The following PPP2R3A variants were observed in gnomAD, a reference collection of about 807,000 sequenced individuals.
The protein encoded by PPP2R3A is serine/threonine-protein phosphatase 2A regulatory subunit B'' subunit alpha.
In PPP2R3A, 80 loss-of-function variants were observed where a neutral mutation model predicts 106.9. That is an observed-to-expected ratio of 0.75 (90% CI 0.62 to 0.90). PPP2R3A has a LOEUF of 0.90. Among genes scored for constraint, PPP2R3A ranks in the 40% least tolerant of loss-of-function variants. The pLI, the probability that PPP2R3A is intolerant of heterozygous loss-of-function variation, is 0.00. For synonymous variants in PPP2R3A, 483 were observed against 468.3 expected, an observed-to-expected ratio of 1.03 and a Z score of -0.41; for missense variants, 1,386 against 1,350.4, an observed-to-expected ratio of 1.03 and a Z score of -0.41.
intron 10 of PPP2R3A, among the ~76,000 whole-genome samples, chr3:136,101,764 G>A (rs759519822): frequency 3.3e-5 from 5 of 151,984 alleles, no homozygotes; most frequent in African/African-American, 4.8e-5. Context: ...AGAAAGGAGC[G>A]ATATAGACGT....
intron 2 of PPP2R3A, among the ~76,000 whole-genome samples, chr3:136,023,617 C>T (rs1934543046): frequency 6.6e-6 from 1 of 152,112 alleles, no homozygotes; most frequent in Non-Finnish European, 1.5e-5. Flanking sequence ...TATTAGCGTG[C>T]ATACACATCT....
rs889647012 is a variant in PPP2R3A, at chr3:136,026,916, G to A, written c.2080G>A (p.Val694Ile). The A allele has an allele frequency of 6.2e-7, 1 of 1,613,280 alleles. No individual in the cohort carries two copies. The highest frequency in any genetic ancestry group is 1.3e-5 in the African/African-American group (1 of 74,944). ...SPSSPRPLSP[V>I]PHVNNVVNAP... ...AAGTAGTCCCCGACCTCTCTCCCCG[G>A]TTCCCCATGTGAATAATGTTGTGAA... Residue 694 changes from valine (V) to isoleucine (I), a missense_variant, in exon 3 of 14, where the codon GTT (valine) becomes ATT (isoleucine). Coordinates refer to ENST00000264977, the MANE Select transcript of PPP2R3A (RefSeq NM_002718.5).
intron 1 of PPP2R3A, among the ~76,000 whole-genome samples, chr3:135,976,070 G>A (rs77135069): frequency 1.3e-5 from 2 of 152,280 alleles, no homozygotes; most frequent in East Asian, 3.9e-4. Context: ...CTGTTGGGTT[G>A]CATAGCAGAG....
chr3:136,002,889 C>T lies in PPP2R3A; in HGVS notation c.1391C>T (p.Pro464Leu). The T allele has an allele frequency of 1.9e-6, 3 of 1,612,986 alleles. No homozygotes were observed. The highest frequency in any genetic ancestry group is 2.5e-6 in the Non-Finnish European group (3 of 1,179,708). Residue 464 changes from proline to leucine, a missense_variant, in exon 2 of 14, where the codon CCA becomes CTA. By Grantham distance (98) the Pro-to-Leu change is moderately conservative (BLOSUM62 -3). Coordinates refer to ENST00000264977, the MANE Select transcript of PPP2R3A (RefSeq NM_002718.5). ...ACTCATCTTAAAAAATGCCCCACCC[C>T]AATGCAAAATGAAATTGGTAAGATA... ...HATHLKKCPT[P>L]MQNEIGKIFE...
chr3:135,988,765 TATTA>T (rs1239216011), intron 1 of PPP2R3A, among the ~76,000 whole-genome samples: 1 of 152,172 alleles, frequency 6.6e-6, no homozygotes, highest in African/African-American at 2.4e-5. Flanking sequence ...TTCCTCATGG[TATTA>T]ATTTATTTCT....
At chr3:135,991,080 T>C (rs1223628560) in intron 1 of PPP2R3A, among the ~76,000 whole-genome samples, 1 of 152,164 alleles carries the variant, frequency 6.6e-6, no homozygotes, top group Non-Finnish European at 1.5e-5. Context: ...ACTACACTAC[T>C]CTATTCCAGG....
At chr3:135,966,505 C>A (rs184803285) in intron 1 of PPP2R3A, among the ~76,000 whole-genome samples, 1 of 152,104 alleles carries the variant, frequency 6.6e-6, no homozygotes, top group East Asian at 1.9e-4. Context: ...CCGACCTGGC[C>A]GCCGCCGCCG....
At chr3:135,988,332 T>G (rs1362937056) in intron 1 of PPP2R3A, among the ~76,000 whole-genome samples, 1 of 151,910 alleles carries the variant, frequency 6.6e-6, no homozygotes, top group African/African-American at 2.4e-5. Flanking sequence ...CACTCATGTA[T>G]CCCATTGGCT....
chr3:136,019,877 C>T (rs1174661260), intron 2 of PPP2R3A, among the ~76,000 whole-genome samples: 3 of 152,162 alleles, frequency 2.0e-5, no homozygotes, highest in East Asian at 3.9e-4. Flanking sequence ...TATTTTCTTG[C>T]TTAAGGGTAT....
rs541100893 is a variant in PPP2R3A at position 136,008,351 on chromosome 3, T to C, written c.1995+4858T>C. Among the ~76,000 whole-genome samples the C allele has an allele frequency of 8.6e-4, 131 of 152,282 alleles. 1 individual carries two copies. The highest frequency in any genetic ancestry group is 3.0e-3 in the African/African-American group (123 of 41,548). ...CACTTAGCAATACAATAGGAAACCA[T>C]TCTCTCCTCCTCTCAATTGCCACCA... On this transcript the variant is annotated intron_variant, in intron 2 of 13. Transcript: ENST00000264977.
chr3:136,130,330 A>C (rs1378444021), intron 13 of PPP2R3A, among the ~76,000 whole-genome samples: 2 of 152,220 alleles, frequency 1.3e-5, no homozygotes, highest in African/African-American at 4.8e-5. Context: ...TCAGGATACA[A>C]AATCAATTGT....
In PPP2R3A at chr3:136,003,052, T is replaced by A; in HGVS notation, c.1554T>A (p.Ser518=). The A allele has an allele frequency of 6.2e-7, 1 of 1,612,322 alleles. No homozygotes were observed. The highest frequency in any genetic ancestry group is 8.5e-7 in the Non-Finnish European group (1 of 1,179,554). ...ATAAATTGTTAATGGATTTGGAATCTTTTTCACAGAAGATGGAGACCTCTC... is the reference window on the plus strand; with the variant it reads ...ATAAATTGTTAATGGATTTGGAATCATTTTCACAGAAGATGGAGACCTCTC... The part of the protein sequence containing the change: ...EIDKLLMDLE[S]FSQKMETSLR... Residue 518 remains serine (S), a synonymous_variant, in exon 2 of 14, where the codon TCT becomes TCA. Coordinates refer to ENST00000264977, the MANE Select transcript of PPP2R3A (RefSeq NM_002718.5).
intron 12 of PPP2R3A, among the ~76,000 whole-genome samples, chr3:136,104,619 C>G (rs1346535551): frequency 6.6e-6 from 1 of 152,044 alleles, no homozygotes; most frequent in Non-Finnish European, 1.5e-5. Flanking sequence ...TTTTATAGTT[C>G]TCTAAGCAAA....
rs1258109184 is a variant in PPP2R3A at position 136,090,670 on chromosome 3, A to G, written c.2927+3A>G. The stretch of plus-strand genomic sequence containing the variant: ...GAAGACAAAAGGAATCCTACCAGGT[A>G]TGATTTCTAAGTTTCCTTTGCCAAG... On this transcript the variant is annotated splice_donor_region_variant and intron_variant, in intron 10 of 13. Coordinates refer to ENST00000264977, the MANE Select transcript of PPP2R3A (RefSeq NM_002718.5). 3.1e-6 allele frequency: 5 copies of G among 1,609,000 alleles called. No individual in the cohort carries two copies. Among genetic ancestry groups the G allele is most frequent in the East Asian group, 2.2e-5 (1 of 44,794 alleles).
At chr3:136,041,234 T>C (rs1935258903) in intron 4 of PPP2R3A, among the ~76,000 whole-genome samples, 1 of 118,624 alleles carries the variant, frequency 8.4e-6, no homozygotes, top group South Asian at 3.2e-4. Context: ...ACTTGGTTTT[T>C]CTTGTTTTTT....
At chr3:136,103,554 G>A (rs1019670160) in intron 12 of PPP2R3A, among the ~76,000 whole-genome samples, 178 bp downstream of exon 12, 3 of 152,032 alleles carry the variant, frequency 2.0e-5, no homozygotes, top group African/African-American at 4.8e-5. Context: ...CTCCACAGCC[G>A]ATCGTCAGGT....
chr3:136,120,192 G>A (rs1445430107), intron 13 of PPP2R3A, among the ~76,000 whole-genome samples: 3 of 151,964 alleles, frequency 2.0e-5, no homozygotes, highest in Non-Finnish European at 2.9e-5. Flanking sequence ...TGTGGATGAC[G>A]GGTTTGATGG....
chr3:136,076,626 A>G (rs1005974153), intron 6 of PPP2R3A, among the ~76,000 whole-genome samples: 1 of 152,132 alleles, frequency 6.6e-6, no homozygotes, highest in Non-Finnish European at 1.5e-5. Flanking sequence ...TCATTATTTT[A>G]TCAAGCAGTT....
chr3:136,006,345 C>G (rs1428452145), intron 2 of PPP2R3A, among the ~76,000 whole-genome samples: 1 of 152,156 alleles, frequency 6.6e-6, no homozygotes, highest in Non-Finnish European at 1.5e-5. Context: ...GAAGACAAAC[C>G]ATTCTTCCTT....
Sources: allele counts gnomAD v4.1 joint callset (sites outside exome capture counted in the v4.1 genomes callset), GRCh38; gene constraint gnomAD v4.1.1; transcripts MANE v1.5; gene names NCBI Gene and HGNC (gene_info 2026-07-23, HGNC 2026-07-21).